The following PCDHGB6 variants were observed in gnomAD, a reference collection of about 807,000 sequenced individuals.
PCDHGB6 encodes the protein protocadherin gamma-B6.
PCDHGB6 carries 51 observed loss-of-function variants against 59.1 expected under a neutral mutation model. The ratio of observed to expected loss-of-function variants is 0.86; its 90% confidence interval spans 0.69 to 1.09. PCDHGB6 has a LOEUF of 1.09. Ranked by LOEUF, PCDHGB6 falls within the 50% of genes least tolerant of loss-of-function variation. PCDHGB6 has a pLI of 0.00. For synonymous variants in PCDHGB6, 466 were observed against 495.1 expected (o/e 0.94, Z 0.78); for missense variants, 1,148 against 1,205.1 (o/e 0.95, Z 0.70).
intron 1 of PCDHGB6, among the ~76,000 whole-genome samples, chr5:141,450,782 C>G (rs1012152203): frequency 6.6e-6 from 1 of 151,236 alleles, no homozygotes; most frequent in Non-Finnish European, 1.5e-5. Context: ...CCACCGTGCC[C>G]GGACCTCATG....
Position 141,490,732 on chromosome 5 carries a change from G to A in PCDHGB6, c.2419-4075G>A, listed in dbSNP as rs775388969. 6.2e-6 allele frequency: 10 copies of A among 1,614,188 alleles called. No homozygotes were observed. The highest frequency in any genetic ancestry group is 8.5e-6 in the Non-Finnish European group (10 of 1,180,042). ...CACCTACTCCATTGTAGGAAATCAG[G>A]TTCAGGGAGCCCCAGCCTCCTCCTT... On this transcript the variant is annotated intron_variant, in intron 1 of 3. Transcript: ENST00000520790. This position sits in a 1 kb window ranked among gnomAD's most constrained non-coding sequence, Gnocchi z 5.4.
At position 141,409,480 on chromosome 5, in the gene PCDHGB6, C is replaced by G; in HGVS notation, c.1278C>G (p.Asp426Glu). ...PEYNVTIVAT[D>E]RGKPPLSSSR... ...ACAATGTCACCATCGTAGCCACTGA[C>G]AGGGGCAAGCCGCCTCTTTCTTCCA... Residue 426 changes from aspartate to glutamate, a missense_variant, in exon 1 of 4, where the codon GAC (aspartate) becomes GAG (glutamate). Physicochemically the swap from Asp to Glu is conservative, Grantham distance 45. Around this residue, in one of 5 missense-constraint regions of PCDHGB6, gnomAD observed 549 missense variants for 527.5 expected, o/e 1.04. Transcript: ENST00000520790. 6.2e-7 allele frequency: 1 copy of G among 1,614,002 alleles called. No individual in the cohort carries two copies. The highest frequency in any genetic ancestry group is 8.5e-7 in the Non-Finnish European group (1 of 1,179,898).
At chr5:141,423,926 T>C (rs925790302) in intron 1 of PCDHGB6, 2 of 1,245,276 alleles carry the variant, frequency 1.6e-6, no homozygotes, top group Non-Finnish European at 2.0e-6. Flanking sequence ...CTATGCTGGT[T>C]TGGTTTGAAG....
In PCDHGB6 at chr5:141,486,217, T is replaced by C; in HGVS notation, c.2419-8590T>C. ...TGCTGGACGTAAATGACAATGCCCC[T>C]TACATCACAGTGACCTCAGAGCTTG... On this transcript the variant is annotated intron_variant, in intron 1 of 3. Coordinates refer to ENST00000520790, the MANE Select transcript of PCDHGB6 (RefSeq NM_018926.3). The surrounding 1 kb of genome is among the most constrained non-coding windows in gnomAD (Gnocchi z 5.0). The C allele has an allele frequency of 6.2e-7, 1 of 1,614,120 alleles. No homozygotes were observed.
At chr5:141,467,582 TGCCATTTATTAA>T (rs2099146610) in intron 1 of PCDHGB6, among the ~76,000 whole-genome samples, 2 of 152,216 alleles carry the variant, frequency 1.3e-5, no homozygotes, top group Non-Finnish European at 1.5e-5. Context: ...GTTGTCCCAA[TGCCATTTATTAA>T]GCACTTCATC....
rs766638463 is a variant in PCDHGB6 at position 141,476,525 on chromosome 5, A to G, written c.2419-18282A>G. ...CAACGACAACAATCCTGCTTTCCCT[A>G]CCCAGGAAATGAAATTGGAGATTAG... On this transcript the variant is annotated intron_variant, in intron 1 of 3. Transcript: ENST00000520790. This position sits in a 1 kb window ranked among gnomAD's most constrained non-coding sequence, Gnocchi z 7.6. 6 of 1,613,950 alleles carry G rather than the reference A, an allele frequency of 3.7e-6. No homozygotes were observed. The African/African-American group carries it at 6.7e-5, about 18-fold the overall frequency.
rs754034325 is a variant in PCDHGB6 at position 141,413,380 on chromosome 5, C to T, written c.2418+2760C>T. On this transcript the variant is annotated intron_variant, in intron 1 of 3. Coordinates refer to ENST00000520790, the MANE Select transcript of PCDHGB6 (RefSeq NM_018926.3). ...CCGGGAGCTGGCGGAGCGCGGAGTC[C>T]GCATAGTCTCCAGAGGTAGGACGCA... is the stretch of plus-strand genomic sequence containing the variant. 4 of 1,613,962 alleles carry T rather than the reference C, an allele frequency of 2.5e-6. No individual in the cohort carries two copies. In the Middle Eastern group the frequency reaches 5.0e-4, roughly 200 times the overall value.
intron 2 of PCDHGB6, among the ~76,000 whole-genome samples, chr5:141,497,050 G>A (rs113054804): frequency 6.6e-5 from 10 of 152,096 alleles, no homozygotes; most frequent in East Asian, 5.8e-4. Context: ...TTAGCCAGGC[G>A]TGGTGGCAGG....
At chr5:141,421,662 G>A (rs2096591243) in intron 1 of PCDHGB6, 3 of 1,613,844 alleles carry the variant, frequency 1.9e-6, no homozygotes, top group South Asian at 1.1e-5. Context: ...AAGTCAGTGA[G>A]CACGCAATTC....
Position 141,431,996 on chromosome 5 carries a change from G to A in PCDHGB6, c.2418+21376G>A, listed in dbSNP as rs766891220. ...AGTCACAGACATAGTCTTGGATAGGGAACAGGTTCCTAGCTACAACATCAC... is the reference window on the plus strand; with the variant it reads ...AGTCACAGACATAGTCTTGGATAGGAAACAGGTTCCTAGCTACAACATCAC... On this transcript the variant is annotated intron_variant, in intron 1 of 3. Transcript: ENST00000520790. The surrounding 1 kb of genome is among the most constrained non-coding windows in gnomAD (Gnocchi z 4.8). 1.9e-6 allele frequency: 3 copies of A among 1,614,192 alleles called. No homozygotes were observed. In the East Asian group the frequency reaches 6.7e-5, roughly 36 times the overall value.
intron 1 of PCDHGB6, among the ~76,000 whole-genome samples, chr5:141,455,201 CAATAAGAGTTTTT>C (rs1373301624): frequency 6.6e-6 from 1 of 151,722 alleles, no homozygotes; most frequent in Non-Finnish European, 1.5e-5. Flanking sequence ...AATTTACAAC[CAATAAGAGTTTTT>C]AATGCTTTGA....
Position 141,493,689 on chromosome 5 carries a change from C to A in PCDHGB6, c.2419-1118C>A, listed in dbSNP as rs2099749557. The stretch of plus-strand genomic sequence containing the variant: ...GGCAGCCCCAGAATGGTGCTGGTGA[C>A]TCCCGATACACCTGGAATGCTAGGT... On this transcript the variant is annotated intron_variant, in intron 1 of 3. Transcript: ENST00000520790. The surrounding 1 kb of genome is among the most constrained non-coding windows in gnomAD (Gnocchi z 4.3). Among the ~76,000 whole-genome samples the A allele has an allele frequency of 6.6e-6, 1 of 152,218 alleles. No homozygotes were observed. The highest frequency in any genetic ancestry group is 2.4e-5 in the African/African-American group (1 of 41,450).
rs1379095967 is a variant in PCDHGB6 at position 141,422,752 on chromosome 5, A to C, written c.2418+12132A>C. The C allele has an allele frequency of 6.2e-7, 1 of 1,612,064 alleles. No homozygotes were observed. The highest frequency in any genetic ancestry group is 1.3e-5 in the African/African-American group (1 of 74,892). On this transcript the variant is annotated intron_variant, in intron 1 of 3. Transcript: ENST00000520790. The stretch of plus-strand genomic sequence containing the variant: ...GCCTCTGTCCTCCTATGTCTCTATT[A>C]ACTCCAACACTGGTGTTCTCTATGC...
chr5:141,418,313 A>G (rs750036471), intron 1 of PCDHGB6: 2 of 1,614,038 alleles, frequency 1.2e-6, no homozygotes, highest in Middle Eastern at 1.6e-4. Context: ...GGGGATGGGA[A>G]CAATTCTTGA....
chr5:141,486,146 G>T lies in PCDHGB6; in HGVS notation c.2419-8661G>T. Reference sequence around the variant, plus strand: ...TGAATTTGATGTGCGGGCTCGCGATGGGGGTTCTCCAGCCATGGAGCAACA... The same window carrying T: ...TGAATTTGATGTGCGGGCTCGCGATTGGGGTTCTCCAGCCATGGAGCAACA... On this transcript the variant is annotated intron_variant, in intron 1 of 3. Transcript: ENST00000520790. The surrounding 1 kb of genome is among the most constrained non-coding windows in gnomAD (Gnocchi z 5.0). 6.2e-7 allele frequency: 1 copy of T among 1,614,184 alleles called. No homozygotes were observed. The highest frequency in any genetic ancestry group is 8.5e-7 in the Non-Finnish European group (1 of 1,180,032).
In PCDHGB6 at chr5:141,410,047, A is replaced by G; in HGVS notation, c.1845A>G (p.Gly615=). 1 of 1,612,420 alleles carries G rather than the reference A, an allele frequency of 6.2e-7. No homozygotes were observed. Residue 615 remains glycine (G), a synonymous_variant, in exon 1 of 4, where the codon GGA becomes GGG. Coordinates refer to ENST00000520790, the MANE Select transcript of PCDHGB6 (RefSeq NM_018926.3). ...SYHVLQASEP[G]LFSLGLRTGE... ...ACGTGCTGCAGGCCAGTGAGCCCGGACTCTTCAGCCTGGGGCTGCGCACTG... is the reference window on the plus strand; with the variant it reads ...ACGTGCTGCAGGCCAGTGAGCCCGGGCTCTTCAGCCTGGGGCTGCGCACTG...
At chr5:141,459,845 T>C (rs914128032) in intron 1 of PCDHGB6, among the ~76,000 whole-genome samples, 1 of 152,232 alleles carries the variant, frequency 6.6e-6, no homozygotes, top group Admixed American at 6.5e-5. Flanking sequence ...TCTATTTGTA[T>C]ATCTTCTTGA....
rs868032463 is a variant in PCDHGB6 at position 141,408,144 on chromosome 5, G to T, written c.-59G>T. 6.7e-7 allele frequency: 1 copy of T among 1,496,068 alleles called. No homozygotes were observed. The highest frequency in any genetic ancestry group is 1.3e-5 in the South Asian group (1 of 74,576). The allele number at this position is 1,496,068 out of a possible 1,614,324, so 92.7% of individuals were successfully genotyped here. ...CCTGGGCCGAATGCTCTTTTAGCGC[G>T]GTAGAGTGCACTTTCTCCAACTGGA... On this transcript the variant is annotated 5_prime_UTR_variant, in exon 1 of 4. Coordinates refer to ENST00000520790, the MANE Select transcript of PCDHGB6 (RefSeq NM_018926.3).
intron 3 of PCDHGB6, 120 bp downstream of exon 3, chr5:141,505,601 C>T (rs1171679451): frequency 6.4e-7 from 1 of 1,550,630 alleles, no homozygotes; most frequent in Non-Finnish European, 8.7e-7. Flanking sequence ...GATCTTTCGG[C>T]AGGTCTGAAA....
Sources: allele counts gnomAD v4.1 joint callset (sites outside exome capture counted in the v4.1 genomes callset), GRCh38; gene constraint gnomAD v4.1.1; regional missense constraint gnomAD v4.1.1; non-coding constraint Gnocchi (gnomAD v3.1); transcripts MANE v1.5; gene names NCBI Gene and HGNC (gene_info 2026-07-23, HGNC 2026-07-21).